The following EYS variants were observed in gnomAD, a reference collection of about 807,000 sequenced individuals.
The protein encoded by EYS is protein eyes shut homolog.
Under a neutral mutation model 282.1 loss-of-function variants are expected in EYS, and 250 were observed. That is an observed-to-expected ratio of 0.89 (90% confidence interval 0.80 to 0.98). EYS has a LOEUF of 0.98. Ranked by LOEUF, EYS falls within the 50% of genes least tolerant of loss-of-function variation. The probability of loss-of-function intolerance (pLI) is 0.00; values close to 1 mark genes in which losing one functional copy is unlikely to be tolerated. For missense variants in EYS, 4,016 were observed against 3,709.0 expected (o/e 1.08, Z -2.15); for synonymous variants, 1,355 against 1,282.9 (o/e 1.06, Z -1.20).
chr6:63,727,706 CAAAAAAAAAAA>C lies in EYS; in HGVS notation c.8072-1037_8072-1027del, dbSNP rs1169878020. On this transcript the variant is annotated intron_variant, in intron 41 of 42. Transcript: ENST00000503581. Reference sequence around the variant, plus strand: ...AGCAACATGGCGAAACACCATCTCTCAAAAAAAAAAAAAAAAAAAAAAAAAAAAAAAATATA... The same window carrying C: ...AGCAACATGGCGAAACACCATCTCTCAAAAAAAAAAAAAAAAAAAAATATA... Among the ~76,000 whole-genome samples, 82 of 9,526 alleles carry C rather than the reference CAAAAAAAAAAA, an allele frequency of 8.6e-3. 2 individuals are homozygous for C. The highest frequency in any genetic ancestry group is 0.011 in the Non-Finnish European group (70 of 6,096). 6.2% of individuals were successfully genotyped at this position (9,526 alleles called of 152,430 possible).
At chr6:64,886,194 A>G (rs1037323750) in intron 19 of EYS, among the ~76,000 whole-genome samples, 2 of 151,894 alleles carry the variant, frequency 1.3e-5, no homozygotes, top group Admixed American at 1.3e-4. Flanking sequence ...TCTACCTTCT[A>G]TAAGCTCCCT....
chr6:65,472,057 A>C (rs1043606472), intron 5 of EYS, among the ~76,000 whole-genome samples: 2 of 152,022 alleles, frequency 1.3e-5, no homozygotes, highest in Non-Finnish European at 2.9e-5. Context: ...TAAACAGTAC[A>C]TTTTTTTATG....
intron 15 of EYS, among the ~76,000 whole-genome samples, chr6:64,925,758 G>C (rs1220569236): frequency 6.6e-6 from 1 of 152,084 alleles, no homozygotes; most frequent in Non-Finnish European, 1.5e-5. Context: ...GTGGTGGGTT[G>C]GGTTGTAGAA....
intron 35 of EYS, among the ~76,000 whole-genome samples, chr6:63,979,056 G>T (rs182298633): frequency 6.6e-6 from 1 of 151,890 alleles, no homozygotes; most frequent in Non-Finnish European, 1.5e-5. Context: ...ATGAATTGGG[G>T]TTGATTTTCT....
intron 19 of EYS, among the ~76,000 whole-genome samples, chr6:64,881,951 G>T (rs534636723): frequency 2.1e-4 from 32 of 151,826 alleles, no homozygotes; most frequent in Non-Finnish European, 4.0e-4. Context: ...GTAATTCAAT[G>T]ATATAAACAT....
At chr6:64,606,342 T>C (rs1397159011) in intron 24 of EYS, among the ~76,000 whole-genome samples, 3 of 152,020 alleles carry the variant, frequency 2.0e-5, no homozygotes, top group Non-Finnish European at 4.4e-5. Flanking sequence ...ACCTCCTATA[T>C]AGACTATTAC....
chr6:63,975,558 C>G (rs1237337565), intron 35 of EYS, among the ~76,000 whole-genome samples: 2 of 151,952 alleles, frequency 1.3e-5, no homozygotes, highest in Non-Finnish European at 2.9e-5. Flanking sequence ...TTTCTAATAG[C>G]ATGTGTATAT....
chr6:65,605,229 T>C (rs1765745357), intron 2 of EYS, among the ~76,000 whole-genome samples: 1 of 151,852 alleles, frequency 6.6e-6, no homozygotes, highest in Admixed American at 6.6e-5. Flanking sequence ...TGCAATTGAA[T>C]ACCAATTAAA....
chr6:64,545,184 G>A (rs1339837270), intron 26 of EYS, among the ~76,000 whole-genome samples: 1 of 152,134 alleles, frequency 6.6e-6, no homozygotes, highest in African/African-American at 2.4e-5. Context: ...GATCAAGTGG[G>A]CTTCATCCCT....
At chr6:63,959,077 G>A (rs1474836041) in intron 35 of EYS, among the ~76,000 whole-genome samples, 1 of 152,156 alleles carries the variant, frequency 6.6e-6, no homozygotes, top group Non-Finnish European at 1.5e-5. Context: ...ATAGTGAACA[G>A]GCATCGTATA....
chr6:64,529,161 T>C (rs1272017224), intron 26 of EYS, among the ~76,000 whole-genome samples: 6 of 152,060 alleles, frequency 3.9e-5, no homozygotes, highest in Non-Finnish European at 8.8e-5. Context: ...AAGAAGGCTC[T>C]GAACAAAGTA....
intron 1 of EYS, among the ~76,000 whole-genome samples, chr6:65,695,460 T>C (rs1204332966): frequency 6.6e-6 from 1 of 152,082 alleles, no homozygotes; most frequent in Non-Finnish European, 1.5e-5. Flanking sequence ...TAATTTGATA[T>C]ATACCTCAGA....
intron 5 of EYS, among the ~76,000 whole-genome samples, chr6:65,452,679 A>T (rs1490343871): frequency 1.3e-5 from 2 of 152,068 alleles, no homozygotes. Context: ...GAAGTGTTGT[A>T]GTAAAGAGCT....
intron 30 of EYS, among the ~76,000 whole-genome samples, chr6:64,290,260 C>A (rs913368837): frequency 6.6e-6 from 1 of 151,902 alleles, no homozygotes; most frequent in Non-Finnish European, 1.5e-5. Context: ...ATGTGTTCTC[C>A]CCCCAATATA....
intron 29 of EYS, among the ~76,000 whole-genome samples, chr6:64,317,584 G>A (rs1433928667): frequency 6.6e-6 from 1 of 152,086 alleles, no homozygotes; most frequent in Non-Finnish European, 1.5e-5. Flanking sequence ...GTTGGTGGGA[G>A]TGTACATTAG....
At chr6:63,909,414 G>A (rs1387431801) in intron 35 of EYS, among the ~76,000 whole-genome samples, 5 of 152,020 alleles carry the variant, frequency 3.3e-5, no homozygotes, top group Admixed American at 6.5e-5. Context: ...AAAATCTACC[G>A]ACATATATTT....
chr6:65,131,417 T>G (rs1368838715), intron 12 of EYS, among the ~76,000 whole-genome samples: 1 of 151,490 alleles, frequency 6.6e-6, no homozygotes, highest in African/African-American at 2.4e-5. Context: ...AAGTCAAGAT[T>G]ATAAAAAAAT....
intron 5 of EYS, among the ~76,000 whole-genome samples, chr6:65,445,194 G>A (rs541192304): frequency 6.6e-6 from 1 of 151,880 alleles, no homozygotes; most frequent in East Asian, 1.9e-4. Flanking sequence ...CAAGCCAAAG[G>A]TCTAGGTTCA....
intron 34 of EYS, among the ~76,000 whole-genome samples, chr6:63,998,791 CT>C (rs60945987): frequency 0.29 from 41,347 of 140,178 alleles, 5,989 homozygotes; most frequent in Middle Eastern, 0.4. Context: ...CTGGAGCTGT[CT>C]TTTTTTTTTT....
Sources: allele counts gnomAD v4.1 joint callset (sites outside exome capture counted in the v4.1 genomes callset), GRCh38; gene constraint gnomAD v4.1.1; transcripts MANE v1.5; gene names NCBI Gene and HGNC (gene_info 2026-07-23, HGNC 2026-07-21).